The following POU2F2 variants were observed in gnomAD, a reference collection of about 807,000 sequenced individuals.
The protein encoded by POU2F2 is POU domain, class 2, transcription factor 2.
A neutral mutation model predicts 63.5 loss-of-function variants in POU2F2; 14 were observed. The observed-to-expected ratio is 0.22, with a 90% CI of 0.15 to 0.34. The LOEUF (loss-of-function observed/expected upper bound fraction) is 0.34. Ranked by LOEUF, POU2F2 falls within the 10% of genes least tolerant of loss-of-function variation. POU2F2 has a pLI of 1.00. For missense variants in POU2F2, 607 were observed against 815.2 expected (o/e 0.74, Z 3.11); for synonymous variants, 306 against 348.6 (o/e 0.88, Z 1.36).
upstream of POU2F2, chr19:42,132,930 T>C (rs1428735015): frequency 6.5e-6 from 1 of 153,138 alleles, no homozygotes; most frequent in Non-Finnish European, 1.5e-5. Flanking sequence ...ATCAGAGAGG[T>C]GAGCAGTAGC....
intron 1 of POU2F2, among the ~76,000 whole-genome samples, chr19:42,184,857 T>A (rs2034997210): frequency 6.6e-6 from 1 of 152,126 alleles, no homozygotes; most frequent in South Asian, 2.1e-4. Context: ...TGTCTCCAGT[T>A]TAGCCCTCTC....
At chr19:42,126,496 G>C (rs1355729276) in intron 1 of POU2F2, among the ~76,000 whole-genome samples, 1 of 151,912 alleles carries the variant, frequency 6.6e-6, no homozygotes, top group Non-Finnish European at 1.5e-5. Context: ...TGGGAACAGA[G>C]GGAAGACCAT....
chr19:42,086,538 G>A lies in POU2F2; in HGVS notation c.*4719C>T, dbSNP rs2076553349. ...CGCCAATCAGGTCTTTACCAAGTAG[G>A]GTGGTCACCTTGCCCTAGTGCAGCC... On this transcript the variant is annotated 3_prime_UTR_variant, in exon 15 of 15. Transcript: ENST00000692977. 6.6e-6 allele frequency: 1 copy of A among 152,190 alleles called. No homozygotes were observed. Among genetic ancestry groups the A allele is most frequent in the African/African-American group, 2.4e-5 (1 of 41,426 alleles). 9.4% of individuals were successfully genotyped at this position (152,190 alleles called of 1,614,324 possible). A position where few individuals can be genotyped will look rare whatever the true frequency, so the allele number is the denominator to read the frequency against.
rs2076759279 is a variant in POU2F2, at chr19:42,092,485, C to A, written c.1265-215G>T. Among the ~76,000 whole-genome samples the A allele has an allele frequency of 6.6e-6, 1 of 152,232 alleles. No individual in the cohort carries two copies. Among genetic ancestry groups the A allele is most frequent in the Non-Finnish European group, 1.5e-5 (1 of 68,038 alleles). ...ATAACAATGGAAGTCAGAGCAGGTG[C>A]TTCCTGCTGAGCCCTGGCACTCTAC... is the stretch of plus-strand genomic sequence containing the variant. On this transcript the variant is annotated intron_variant, in intron 12 of 14. Transcript: ENST00000692977. This position sits in a 1 kb window ranked among gnomAD's most constrained non-coding sequence, Gnocchi z 5.0.
intron 2 of POU2F2, among the ~76,000 whole-genome samples, chr19:42,158,918 G>A (rs1160192522): frequency 2.0e-5 from 3 of 151,952 alleles, no homozygotes; most frequent in African/African-American, 4.8e-5. Context: ...CTGCAACTTC[G>A]GTTCCCTGGA....
At chr19:42,124,485 T>C (rs2033005598) in intron 1 of POU2F2, among the ~76,000 whole-genome samples, 1 of 151,492 alleles carries the variant, frequency 6.6e-6, no homozygotes, top group Non-Finnish European at 1.5e-5. Flanking sequence ...GCATTGCTGG[T>C]GGGAGTGTAA....
intron 1 of POU2F2, among the ~76,000 whole-genome samples, chr19:42,165,246 A>T (rs2034627876): frequency 6.6e-6 from 1 of 152,182 alleles, no homozygotes; most frequent in South Asian, 2.1e-4. Flanking sequence ...AATGTGAATG[A>T]ATTTGAAGTC....
intron 1 of POU2F2, among the ~76,000 whole-genome samples, chr19:42,173,559 GA>G (rs76675837): frequency 2.4e-3 from 283 of 116,752 alleles, no homozygotes; most frequent in East Asian, 6.3e-3. Context: ...GGACTTGCTA[GA>G]AAAAAAAAAA....
intron 1 of POU2F2, among the ~76,000 whole-genome samples, chr19:42,183,329 G>C (rs2034982337): frequency 6.6e-6 from 1 of 152,192 alleles, no homozygotes; most frequent in South Asian, 2.1e-4. Flanking sequence ...ACCAAAGTGA[G>C]AGATGCAGAA....
rs2034388680 is a variant in POU2F2, at chr19:42,153,158, G to A, written c.-9+7174C>T. On this transcript the variant is annotated intron_variant, in intron 2 of 6. Transcript: ENST00000524801. The surrounding 1 kb of genome is among the most constrained non-coding windows in gnomAD (Gnocchi z 5.6). ...GGCTTCGGACAGGAGGTTCCAGCGA[G>A]AGGTCTGTGGTGTGCGAGCTGCCAT... Among the ~76,000 whole-genome samples the A allele has an allele frequency of 6.6e-6, 1 of 152,212 alleles. No individual in the cohort carries two copies. The highest frequency in any genetic ancestry group is 1.5e-5 in the Non-Finnish European group (1 of 68,032).
At position 42,152,101 on chromosome 19, in the gene POU2F2, T is replaced by C. The variant is rs1364937062; in HGVS notation, c.-9+8231A>G. Among the ~76,000 whole-genome samples the C allele has an allele frequency of 3.3e-5, 5 of 152,092 alleles. No individual in the cohort carries two copies. The highest frequency in any genetic ancestry group is 1.5e-5 in the Non-Finnish European group (1 of 68,006). On this transcript the variant is annotated intron_variant, in intron 2 of 6. Coordinates refer to the POU2F2 transcript ENST00000524801. This position sits in a 1 kb window ranked among gnomAD's most constrained non-coding sequence, Gnocchi z 4.1. ...GTTGGTCACAATCCACCCATGACAC[T>C]GCGTCAGGGCCTCCCATCCACCCAG... is the stretch of plus-strand genomic sequence containing the variant.
chr19:42,148,195 G>A (rs1599666657), intron 2 of POU2F2, among the ~76,000 whole-genome samples: 2 of 150,976 alleles, frequency 1.3e-5, no homozygotes, highest in East Asian at 2.0e-4. Context: ...ACCCAGCCCT[G>A]CCCCAGCTGA....
At chr19:42,097,314 C>T (rs2076958993) in intron 7 of POU2F2, among the ~76,000 whole-genome samples, 1 of 151,312 alleles carries the variant, frequency 6.6e-6, no homozygotes, top group African/African-American at 2.4e-5. Context: ...ACTCCTGCCT[C>T]AGCCTCCCGA....
chr19:42,146,151 C>T (rs530357311), intron 2 of POU2F2, among the ~76,000 whole-genome samples: 8 of 151,980 alleles, frequency 5.3e-5, no homozygotes, highest in Non-Finnish European at 8.8e-5. Flanking sequence ...CAATACTCTA[C>T]AAAAAAGCAT....
In POU2F2 at chr19:42,154,985, G is replaced by A. The variant is rs151323654; in HGVS notation, c.-9+5347C>T. On this transcript the variant is annotated intron_variant, in intron 2 of 6. Coordinates refer to the POU2F2 transcript ENST00000524801. ...AGTACATCCCTCCTTACCACACACC[G>A]CCACCTCACCCTCCACACACAGTCC... 3.6e-3 allele frequency among the ~76,000 whole-genome samples: 543 copies of A among 152,130 alleles called. 3 individuals carry two copies. The highest frequency in any genetic ancestry group is 0.014 in the South Asian group (69 of 4,816).
At chr19:42,173,902 A>G (rs1272218601) in intron 1 of POU2F2, among the ~76,000 whole-genome samples, 1 of 152,180 alleles carries the variant, frequency 6.6e-6, no homozygotes, top group Admixed American at 6.5e-5. Flanking sequence ...GTGGAATCGC[A>G]TTATCAGCAA....
chr19:42,171,894 T>G (rs1462822553), intron 1 of POU2F2, among the ~76,000 whole-genome samples: 1 of 152,164 alleles, frequency 6.6e-6, no homozygotes, highest in African/African-American at 2.4e-5. Context: ...AGCACACTCA[T>G]GCTCATAGAC....
chr19:42,167,398 G>T (rs2034674026), intron 1 of POU2F2, among the ~76,000 whole-genome samples: 1 of 151,978 alleles, frequency 6.6e-6, no homozygotes, highest in Non-Finnish European at 1.5e-5. Flanking sequence ...AGGTTGCAGT[G>T]GGCTGAGATT....
intron 1 of POU2F2, among the ~76,000 whole-genome samples, chr19:42,191,073 C>CA (rs200638271): frequency 0.045 from 3,258 of 71,908 alleles, 86 homozygotes; most frequent in African/African-American, 0.1. Flanking sequence ...GACTCAGTTT[C>CA]AAAAAAAAAA....
Sources: gnomAD v4.1 joint callset for allele counts (sites outside exome capture counted in the v4.1 genomes callset) on GRCh38, gnomAD v4.1.1 for gene constraint, Gnocchi (gnomAD v3.1) non-coding constraint, MANE v1.5 for transcripts, NCBI Gene and HGNC (gene_info 2026-07-23, HGNC 2026-07-21) for gene names.